The following WDPCP variants were observed in gnomAD, a reference collection of about 807,000 sequenced individuals.
The protein encoded by WDPCP is WD repeat-containing and planar cell polarity effector protein fritz homolog.
A neutral mutation model predicts 93.1 loss-of-function variants in WDPCP; 71 were observed. The observed-to-expected ratio is 0.76, with a 90% CI of 0.63 to 0.93. The LOEUF is 0.93. Ranked by LOEUF, WDPCP falls within the 40% of genes least tolerant of loss-of-function variation. WDPCP has a pLI of 0.00. For synonymous variants in WDPCP, 315 were observed against 315.0 expected, an observed-to-expected ratio of 1.00 and a Z score of 0.00; for missense variants, 844 against 887.4, an observed-to-expected ratio of 0.95 and a Z score of 0.62.
At chr2:63,743,604 T>A (rs919434987) in intron 2 of WDPCP, among the ~76,000 whole-genome samples, 4 of 152,288 alleles carry the variant, frequency 2.6e-5, no homozygotes, top group African/African-American at 9.6e-5. Flanking sequence ...AATCCCAAGT[T>A]ATGAATACTT....
chr2:63,304,253 T>G (rs879808870), intron 13 of WDPCP, among the ~76,000 whole-genome samples: 8 of 152,308 alleles, frequency 5.3e-5, no homozygotes, highest in Non-Finnish European at 1.0e-4. Context: ...TCATCAATGG[T>G]TGATTGTATA....
At chr2:63,804,883 C>A (rs554256011) in intron 2 of WDPCP, among the ~76,000 whole-genome samples, 27 of 151,970 alleles carry the variant, frequency 1.8e-4, no homozygotes, top group Admixed American at 3.9e-4. Context: ...TAAAAATTAG[C>A]CTGGCTTGGT....
intron 13 of WDPCP, among the ~76,000 whole-genome samples, chr2:63,269,214 C>G (rs1025487790): frequency 5.9e-5 from 9 of 152,166 alleles, no homozygotes; most frequent in African/African-American, 2.2e-4. Context: ...GTGTTACTAA[C>G]TTGGAATCAA....
chr2:63,682,894 A>T (rs1346583443), intron 2 of WDPCP, among the ~76,000 whole-genome samples: 1 of 152,230 alleles, frequency 6.6e-6, no homozygotes, highest in Non-Finnish European at 1.5e-5. Flanking sequence ...CAACTTTTTA[A>T]GACATAGATG....
At chr2:63,132,515 C>T (rs1670355608) in intron 17 of WDPCP, among the ~76,000 whole-genome samples, 1 of 149,534 alleles carries the variant, frequency 6.7e-6, no homozygotes, top group Non-Finnish European at 1.5e-5. Flanking sequence ...GCTCTGTTCA[C>T]TTTTTTATTC....
chr2:63,224,046 C>T (rs994327630), intron 14 of WDPCP, among the ~76,000 whole-genome samples: 2 of 152,008 alleles, frequency 1.3e-5, no homozygotes, highest in Non-Finnish European at 2.9e-5. Flanking sequence ...ATCTTATAAT[C>T]AGTTGTCAGT....
intron 2 of WDPCP, among the ~76,000 whole-genome samples, chr2:63,755,003 C>T (rs1669940536): frequency 6.6e-6 from 1 of 152,152 alleles, no homozygotes; most frequent in Non-Finnish European, 1.5e-5. Context: ...ATATGGCTTC[C>T]TTAGTCCTGG....
chr2:63,174,050 G>C (rs1370233557), intron 15 of WDPCP, among the ~76,000 whole-genome samples: 1 of 152,124 alleles, frequency 6.6e-6, no homozygotes, highest in Non-Finnish European at 1.5e-5. Flanking sequence ...GGATTGAGTA[G>C]TTGCAAAAGT....
At chr2:63,320,322 T>C (rs1283761233) in intron 12 of WDPCP, among the ~76,000 whole-genome samples, 2 of 152,126 alleles carry the variant, frequency 1.3e-5, no homozygotes, top group Non-Finnish European at 2.9e-5. Context: ...TAAGAAAGAC[T>C]AAAAGAAGCT....
At chr2:63,386,449 T>G (rs537411579) in intron 10 of WDPCP, among the ~76,000 whole-genome samples, 1 of 152,000 alleles carries the variant, frequency 6.6e-6, no homozygotes, top group Non-Finnish European at 1.5e-5. Flanking sequence ...AATAAGCACA[T>G]GAAAAGATGC....
rs770898296 is a variant in WDPCP at position 63,211,055 on chromosome 2, G to A, written c.1916-36223C>T. Among the ~76,000 whole-genome samples the A allele has an allele frequency of 1.5e-4, 23 of 152,344 alleles. 1 individual carries two copies. Among genetic ancestry groups the A allele is most frequent in the Admixed American group, 7.8e-4 (12 of 15,306 alleles). ...GCAGGGCATAGCTGAACAAAAGGCAGCAGAAACTTCTGCAGACTTAAACGT... is the reference window on the plus strand; with the variant it reads ...GCAGGGCATAGCTGAACAAAAGGCAACAGAAACTTCTGCAGACTTAAACGT... On this transcript the variant is annotated intron_variant, in intron 14 of 17. Transcript: ENST00000272321.
At chr2:63,584,708 C>T (rs533718237) in intron 1 of WDPCP, among the ~76,000 whole-genome samples, 28 of 152,216 alleles carry the variant, frequency 1.8e-4, no homozygotes, top group African/African-American at 5.5e-4. Context: ...TGCTACATTA[C>T]GTTTCCAGAT....
intron 1 of WDPCP, among the ~76,000 whole-genome samples, chr2:63,537,784 T>G (rs745749662): frequency 2.0e-4 from 30 of 152,198 alleles, no homozygotes; most frequent in Non-Finnish European, 3.4e-4. Flanking sequence ...TAACATCATC[T>G]TACACACTTA....
At chr2:63,318,804 A>G (rs1372801023) in intron 12 of WDPCP, among the ~76,000 whole-genome samples, 1 of 152,146 alleles carries the variant, frequency 6.6e-6, no homozygotes, top group Non-Finnish European at 1.5e-5. Flanking sequence ...AAAAGTACCT[A>G]TCGAATACTA....
intron 2 of WDPCP, among the ~76,000 whole-genome samples, chr2:63,783,787 C>A (rs1313707534): frequency 3.3e-5 from 5 of 151,956 alleles, no homozygotes; most frequent in African/African-American, 1.2e-4. Context: ...GGTTTGGGTG[C>A]TGGATGATGG....
intron 2 of WDPCP, among the ~76,000 whole-genome samples, chr2:63,728,363 G>A (rs996063750): frequency 3.3e-5 from 5 of 152,164 alleles, no homozygotes; most frequent in African/African-American, 1.2e-4. Flanking sequence ...GAGGGTGAGA[G>A]AAGTGAGGAG....
chr2:63,781,598 C>T (rs1354103872), intron 2 of WDPCP, among the ~76,000 whole-genome samples: 1 of 152,130 alleles, frequency 6.6e-6, no homozygotes, highest in African/African-American at 2.4e-5. Context: ...TCAAGAAGTA[C>T]AGCCTACTTG....
intron 3 of WDPCP, among the ~76,000 whole-genome samples, chr2:63,603,010 A>G (rs1428575745): frequency 1.6e-5 from 2 of 123,806 alleles, no homozygotes; most frequent in African/African-American, 6.2e-5. Flanking sequence ...CCTAGGCTGG[A>G]GTGCAATGGC....
chr2:63,595,562 C>T lies in WDPCP; in HGVS notation n.488+55097G>A, dbSNP rs377107529. On this transcript the variant is annotated intron_variant and non_coding_transcript_variant, in intron 3 of 4. Transcript: ENST00000467687. ...GAAGGGATTTTATGGTATTTGATTT[C>T]TTACAAAATACAGGTTTTAGGTTTT... The T allele has an allele frequency of 4.2e-5, 52 of 1,229,150 alleles. No individual in the cohort carries two copies. The African/African-American group carries it at 7.1e-4, about 17-fold the overall frequency. 76.1% of individuals were successfully genotyped at this position (1,229,150 alleles called of 1,614,324 possible). A position where few individuals can be genotyped will look rare whatever the true frequency, so the allele number is the denominator to read the frequency against.
Sources: allele counts gnomAD v4.1 joint callset (sites outside exome capture counted in the v4.1 genomes callset), GRCh38; gene constraint gnomAD v4.1.1; transcripts MANE v1.5; gene names NCBI Gene and HGNC (gene_info 2026-07-23, HGNC 2026-07-21).